Variants in GPR37L1 observed in about 807,000 individuals in gnomAD.
GPR37L1 encodes G protein-coupled receptor 37-like 1.
GPR37L1 carries 18 observed loss-of-function variants against 18.0 expected under a neutral mutation model. The observed-to-expected ratio is 1.00, with a 90% CI of 0.69 to 1.49. The LOEUF is 1.49. Among genes scored for constraint, GPR37L1 ranks in the 40% most tolerant of loss-of-function variants. The pLI, the probability that GPR37L1 is intolerant of heterozygous loss-of-function variation, is 0.00. For synonymous variants in GPR37L1, 256 were observed against 273.9 expected, an observed-to-expected ratio of 0.93 and a Z score of 0.65; for missense variants, 558 against 615.1, an observed-to-expected ratio of 0.91 and a Z score of 0.98.
intron 1 of GPR37L1, among the ~76,000 whole-genome samples, chr1:202,126,328 A>C (rs1294063332): frequency 6.6e-6 from 1 of 151,980 alleles, no homozygotes; most frequent in Non-Finnish European, 1.5e-5. Context: ...GAATCACTTG[A>C]ACCCGGGAGG....
Position 202,123,578 on chromosome 1 carries a change from C to G in GPR37L1, c.615C>G (p.Ala205=). 1.3e-6 allele frequency: 2 copies of G among 1,588,800 alleles called. No homozygotes were observed. Among genetic ancestry groups the G allele is most frequent in the Non-Finnish European group, 1.7e-6 (2 of 1,167,668 alleles). The change falls in exon 1 of 2, where the codon GCC becomes GCG. Residue 205 remains alanine (A), a synonymous_variant. Coordinates refer to ENST00000367282, the MANE Select transcript of GPR37L1 (RefSeq NM_004767.5). ...QRLLGDVSCR[A]VPFMEVSSLG... ...TACTGGGTGACGTTTCTTGTCGTGCCGTGCCCTTCATGGAGGTGAGTGTGT... is the reference window on the plus strand; with the variant it reads ...TACTGGGTGACGTTTCTTGTCGTGCGGTGCCCTTCATGGAGGTGAGTGTGT...
chr1:202,125,062 G>A (rs1283064452), intron 1 of GPR37L1, among the ~76,000 whole-genome samples: 1 of 151,650 alleles, frequency 6.6e-6, no homozygotes, highest in Non-Finnish European at 1.5e-5. Flanking sequence ...GTACTCAGGA[G>A]GCTGAGGCAG....
At position 202,123,237 on chromosome 1, in the gene GPR37L1, G is replaced by T. The variant is rs1426770371; in HGVS notation, c.274G>T (p.Asp92Tyr). ...LVATSPNPGK[D>Y]GGTPDSGQEL... ...GGCCACCAGCCCTAACCCCGGCAAG[G>T]ATGGGGGCACCCCAGACAGTGGGCA... The change falls in exon 1 of 2, where the codon GAT becomes TAT. Residue 92 changes from aspartate to tyrosine, a missense_variant. Physicochemically the swap from Asp to Tyr is radical, Grantham distance 160 (BLOSUM62 -3). Transcript: ENST00000367282. The T allele has an allele frequency of 2.5e-6, 4 of 1,613,964 alleles. No individual in the cohort carries two copies. The highest frequency in any genetic ancestry group is 3.4e-6 in the Non-Finnish European group (4 of 1,179,990).
chr1:202,125,985 G>A (rs1419631938), intron 1 of GPR37L1, among the ~76,000 whole-genome samples: 1 of 152,184 alleles, frequency 6.6e-6, no homozygotes, highest in Non-Finnish European at 1.5e-5. Flanking sequence ...GTCTCCCAAA[G>A]TACTGGGATT....
chr1:202,128,768 G>A lies in GPR37L1; in HGVS notation c.*212G>A. ...TTCCAACCCTGTCCTTTCCACTGGT[G>A]GGCGGTGATGCTTCTAGGTCCTTAG... On this transcript the variant is annotated 3_prime_UTR_variant, in exon 2 of 2. Transcript: ENST00000367282. 2 of 530,932 alleles carry A rather than the reference G, an allele frequency of 3.8e-6. No homozygotes were observed. The highest frequency in any genetic ancestry group is 6.7e-6 in the Non-Finnish European group (2 of 300,136). 32.9% of individuals were successfully genotyped at this position (530,932 alleles called of 1,614,324 possible).
At chr1:202,124,295 G>A (rs1654594968) in intron 1 of GPR37L1, among the ~76,000 whole-genome samples, 1 of 152,218 alleles carries the variant, frequency 6.6e-6, no homozygotes. Flanking sequence ...CTGACATACT[G>A]GGCGTCACTG....
chr1:202,128,814 T>G lies in GPR37L1; in HGVS notation c.*258T>G, dbSNP rs1654753601. ...CTTAGAACTGCCCAGAAACTCTGAG[T>G]CCCAGCAGCTGGGAGCCAGAACTTT... On this transcript the variant is annotated 3_prime_UTR_variant, in exon 2 of 2. Coordinates refer to ENST00000367282, the MANE Select transcript of GPR37L1 (RefSeq NM_004767.5). The G allele has an allele frequency of 2.7e-6, 1 of 365,028 alleles. No individual in the cohort carries two copies. The highest frequency in any genetic ancestry group is 4.9e-6 in the Non-Finnish European group (1 of 203,100). The allele number at this position is 365,028 out of a possible 1,614,324, so 22.6% of individuals were successfully genotyped here.
At position 202,123,335 on chromosome 1, in the gene GPR37L1, C is replaced by T. The variant is rs141048694; in HGVS notation, c.372C>T (p.Thr124=). 1.1e-4 allele frequency: 182 copies of T among 1,614,174 alleles called. No individual in the cohort carries two copies. In the African/African-American group the frequency reaches 1.4e-3, roughly 13 times the overall value. The change falls in exon 1 of 2, where the codon ACC becomes ACT. Residue 124 remains threonine, a synonymous_variant. Coordinates refer to ENST00000367282, the MANE Select transcript of GPR37L1 (RefSeq NM_004767.5). The part of the protein sequence containing the change: ...LQIQNPLYPV[T]ESSYSAYAIM... Reference sequence around the variant, plus strand: ...TCCAGAACCCCCTGTATCCGGTGACCGAGAGCTCCTACAGTGCCTATGCCA... The same window carrying T: ...TCCAGAACCCCCTGTATCCGGTGACTGAGAGCTCCTACAGTGCCTATGCCA...
At chr1:202,126,014 G>T (rs779819087) in intron 1 of GPR37L1, among the ~76,000 whole-genome samples, 2 of 152,132 alleles carry the variant, frequency 1.3e-5, no homozygotes, top group Non-Finnish European at 2.9e-5. Flanking sequence ...GATCCACCGC[G>T]CCCAGCAACA....
Position 202,127,956 on chromosome 1 carries a change from C to G in GPR37L1, c.846C>G (p.Thr282=), listed in dbSNP as rs550229051. ...LAQEPAPTMG[T]LDSCIMKPSA... ...AGGAGCCTGCCCCCACCATGGGCACCCTGGACTCATGCATCATGAAACCCT... is the reference window on the plus strand; with the variant it reads ...AGGAGCCTGCCCCCACCATGGGCACGCTGGACTCATGCATCATGAAACCCT... The change falls in exon 2 of 2, where the codon ACC becomes ACG. Residue 282 remains threonine (T), a synonymous_variant. Coordinates refer to ENST00000367282, the MANE Select transcript of GPR37L1 (RefSeq NM_004767.5). 1.2e-6 allele frequency: 2 copies of G among 1,614,006 alleles called. No individual in the cohort carries two copies. The highest frequency in any genetic ancestry group is 1.3e-5 in the African/African-American group (1 of 75,042).
At chr1:202,125,153 CAAAAAAAA>C (rs10593843) in intron 1 of GPR37L1, among the ~76,000 whole-genome samples, 1 of 77,878 alleles carries the variant, frequency 1.3e-5, no homozygotes, top group Admixed American at 1.5e-4. Flanking sequence ...AATTCTGTCT[CAAAAAAAA>C]AAAAAAAAAA....
chr1:202,123,163 ACC>A lies in GPR37L1; in HGVS notation c.204_205del (p.Arg69AlafsTer19). 1 of 1,612,820 alleles carries A rather than the reference ACC, an allele frequency of 6.2e-7. No homozygotes were observed. Among genetic ancestry groups the A allele is most frequent in the Non-Finnish European group, 8.5e-7 (1 of 1,179,492 alleles). The stretch of plus-strand genomic sequence containing the variant: ...TATGTGCCTGAGGAGTGGGCGGAGT[ACC>A]CCCGGCCCATTCACCCTGCTGGCCT... On this transcript the variant is annotated frameshift_variant, in exon 1 of 2. Transcript: ENST00000367282. LOFTEE classifies it high-confidence loss of function.
chr1:202,123,408 C>T lies in GPR37L1; in HGVS notation c.445C>T (p.Leu149=). 6.2e-7 allele frequency: 1 copy of T among 1,614,096 alleles called. No homozygotes were observed. ...VVFAVGIVGN[L]SVMCIVWHSY... is the part of the protein sequence containing the mutation. ...GTTTGCGGTGGGCATTGTGGGCAACCTGTCGGTCATGTGCATCGTGTGGCA... is the reference window on the plus strand; with the variant it reads ...GTTTGCGGTGGGCATTGTGGGCAACTTGTCGGTCATGTGCATCGTGTGGCA... Residue 149 remains leucine, a synonymous_variant, in exon 1 of 2, where the codon CTG becomes TTG. Coordinates refer to ENST00000367282, the MANE Select transcript of GPR37L1 (RefSeq NM_004767.5).
chr1:202,123,851 G>A (rs1458623941), intron 1 of GPR37L1, among the ~76,000 whole-genome samples: 2 of 152,128 alleles, frequency 1.3e-5, no homozygotes, highest in East Asian at 1.9e-4. Context: ...CTGATCTTCT[G>A]CTTCGGGAGC....
Position 202,131,403 on chromosome 1 carries a change from T to C in GPR37L1, c.*2847T>C, listed in dbSNP as rs1360814427. ...ATTATGGTCATTTAATGAGACAAGA[T>C]ACATAAAGCACTTTGCATGGTGCCC... On this transcript the variant is annotated 3_prime_UTR_variant, in exon 2 of 2. Transcript: ENST00000367282. 6.6e-6 allele frequency: 1 copy of C among 152,244 alleles called. No homozygotes were observed. The highest frequency in any genetic ancestry group is 1.5e-5 in the Non-Finnish European group (1 of 68,050). The allele number at this position is 152,244 out of a possible 1,614,324, so 9.4% of individuals were successfully genotyped here. A position where few individuals can be genotyped will look rare whatever the true frequency, so the allele number is the denominator to read the frequency against.
In GPR37L1 at chr1:202,132,479, C is replaced by T. The variant is rs1302388612; in HGVS notation, c.*3923C>T. On this transcript the variant is annotated 3_prime_UTR_variant, in exon 2 of 2. Transcript: ENST00000367282. Reference sequence around the variant, plus strand: ...CTGATGACTGCCTCCAGGAGGAAGCCCTGGGCACCAATGAAGGTGAGGGGC... The same window carrying T: ...CTGATGACTGCCTCCAGGAGGAAGCTCTGGGCACCAATGAAGGTGAGGGGC... 6.6e-6 allele frequency: 1 copy of T among 152,302 alleles called. No individual in the cohort carries two copies. Among genetic ancestry groups the T allele is most frequent in the African/African-American group, 2.4e-5 (1 of 41,438 alleles). 9.4% of individuals were successfully genotyped at this position (152,302 alleles called of 1,614,324 possible).
At chr1:202,125,153 C>CAAA (rs10593843) in intron 1 of GPR37L1, among the ~76,000 whole-genome samples, 56 of 77,830 alleles carry the variant, frequency 7.2e-4, no homozygotes, top group East Asian at 1.9e-3. Flanking sequence ...AATTCTGTCT[C>CAAA]AAAAAAAAAA....
rs368701564 is a variant in GPR37L1, at chr1:202,127,790, A to G, written c.680A>G (p.Asp227Gly). 9.3e-6 allele frequency: 15 copies of G among 1,606,206 alleles called. No individual in the cohort carries two copies. Among genetic ancestry groups the G allele is most frequent in the African/African-American group, 1.3e-5 (1 of 74,746 alleles). ...TTCAGCCTCTGTGCCCTGGGCATTG[A>G]CCGCTTCCACGTGGCCACCAGCACC... Reference protein sequence around the residue: ...TTFSLCALGIDRFHVATSTLP... With the variant: ...TTFSLCALGIGRFHVATSTLP... Residue 227 changes from aspartate (D) to glycine (G), a missense_variant, in exon 2 of 2, where the codon GAC becomes GGC. Transcript: ENST00000367282.
In GPR37L1 at chr1:202,133,506, G is replaced by T. The variant is rs913987410; in HGVS notation, c.*4950G>T. On this transcript the variant is annotated 3_prime_UTR_variant, in exon 2 of 2. Coordinates refer to ENST00000367282, the MANE Select transcript of GPR37L1 (RefSeq NM_004767.5). Reference sequence around the variant, plus strand: ...CATTTTCCAAACAGAGGTTAAATATGAGCTGAAAAGTGTAAAAAAGGAAGA... The same window carrying T: ...CATTTTCCAAACAGAGGTTAAATATTAGCTGAAAAGTGTAAAAAAGGAAGA... The T allele has an allele frequency of 4.6e-5, 7 of 152,202 alleles. No individual in the cohort carries two copies. The allele number at this position is 152,202 out of a possible 1,614,324, so 9.4% of individuals were successfully genotyped here. A position where few individuals can be genotyped will look rare whatever the true frequency, so the allele number is the denominator to read the frequency against.
Sources: gnomAD v4.1 joint callset for allele counts (sites outside exome capture counted in the v4.1 genomes callset) on GRCh38, gnomAD v4.1.1 for gene constraint, MANE v1.5 for transcripts, NCBI Gene and HGNC (gene_info 2026-07-23, HGNC 2026-07-21) for gene names.